Variants in PCDHGA2 observed in about 807,000 individuals in gnomAD.
The protein encoded by PCDHGA2 is protocadherin gamma-A2.
Under a neutral mutation model 59.2 loss-of-function variants are expected in PCDHGA2, and 40 were observed. The observed-to-expected ratio is 0.68, with a 90% CI of 0.52 to 0.88. The LOEUF (loss-of-function observed/expected upper bound fraction) is 0.88, where lower values mean the gene tolerates loss of function less well. Among genes scored for constraint, PCDHGA2 ranks in the 40% least tolerant of loss-of-function variants. PCDHGA2 has a pLI of 0.00. For synonymous variants in PCDHGA2, 560 were observed against 526.0 expected (o/e 1.06, Z -0.89); for missense variants, 1,226 against 1,204.0 (o/e 1.02, Z -0.27).
intron 1 of PCDHGA2, among the ~76,000 whole-genome samples, chr5:141,401,748 C>G (rs2094189969): frequency 6.6e-6 from 1 of 152,134 alleles, no homozygotes; most frequent in Non-Finnish European, 1.5e-5. Context: ...ATACAAAGCT[C>G]CCATTACATG....
intron 3 of PCDHGA2, 31 bp downstream of exon 3, chr5:141,505,512 T>C (rs754223095): frequency 6.2e-7 from 1 of 1,613,676 alleles, no homozygotes; most frequent in South Asian, 1.1e-5. Context: ...TATGGAAGAG[T>C]GGGAGACCTG....
At chr5:141,453,871 A>T (rs561367146) in intron 1 of PCDHGA2, among the ~76,000 whole-genome samples, 8 of 152,364 alleles carry the variant, frequency 5.3e-5, no homozygotes, top group African/African-American at 1.9e-4. Flanking sequence ...ACAGATGAGC[A>T]AAATAATGTG....
At chr5:141,394,277 T>C (rs1209758237) in intron 1 of PCDHGA2, 1 of 1,613,946 alleles carries the variant, frequency 6.2e-7, no homozygotes, top group South Asian at 1.1e-5. Flanking sequence ...CCCAGGTCAC[T>C]TACTCTGTGA....
At chr5:141,498,971 G>GGGAGGGAAGGAAGGAA (rs2099787588) in intron 2 of PCDHGA2, among the ~76,000 whole-genome samples, 1 of 110,970 alleles carries the variant, frequency 9.0e-6, no homozygotes, top group African/African-American at 3.6e-5. Flanking sequence ...GAGGGAGGGA[G>GGGAGGGAAGGAAGGAA]GGAAGGAAGG....
chr5:141,473,497 C>T (rs2099323546), intron 1 of PCDHGA2, among the ~76,000 whole-genome samples: 1 of 152,106 alleles, frequency 6.6e-6, no homozygotes, highest in Non-Finnish European at 1.5e-5. Context: ...ATAAGGTGTT[C>T]TGAGAGAGCA....
chr5:141,352,307 G>A, intron 1 of PCDHGA2: 4 of 1,614,058 alleles, frequency 2.5e-6, no homozygotes, highest in Non-Finnish European at 3.4e-6. Context: ...CCCCCAGACG[G>A]AACTGCAGTT....
chr5:141,436,973 T>C (rs1209787552), intron 1 of PCDHGA2, among the ~76,000 whole-genome samples: 1 of 152,234 alleles, frequency 6.6e-6, no homozygotes, highest in Non-Finnish European at 1.5e-5. Context: ...TTGTGAAACT[T>C]ATTTTAAAGA....
intron 1 of PCDHGA2, among the ~76,000 whole-genome samples, chr5:141,470,205 G>T (rs934926584): frequency 6.6e-6 from 1 of 152,094 alleles, no homozygotes; most frequent in Non-Finnish European, 1.5e-5. Flanking sequence ...AAATATGAAG[G>T]CTAAACCATT....
intron 1 of PCDHGA2, chr5:141,404,276 G>A (rs754510135): frequency 6.2e-7 from 1 of 1,613,992 alleles, no homozygotes; most frequent in Non-Finnish European, 8.5e-7. Context: ...CACCCTGCAA[G>A]TGACTGACAT....
chr5:141,399,623 C>G, intron 1 of PCDHGA2: 2 of 1,613,920 alleles, frequency 1.2e-6, no homozygotes, highest in Non-Finnish European at 1.7e-6. Context: ...GCACTGGCCT[C>G]TTACGTGTCC....
intron 2 of PCDHGA2, among the ~76,000 whole-genome samples, chr5:141,500,035 CTT>C: frequency 6.6e-6 from 1 of 152,100 alleles, no homozygotes; most frequent in East Asian, 1.9e-4. Flanking sequence ...GTGAGTGTCT[CTT>C]AAGTATCTTA....
At chr5:141,343,031 A>G (rs1030573145) in intron 1 of PCDHGA2, 1 of 152,920 alleles carries the variant, frequency 6.5e-6, no homozygotes, top group Admixed American at 6.5e-5. Context: ...GTTTGCTAAC[A>G]TTAAAGGCCC....
At chr5:141,357,924 T>C in intron 1 of PCDHGA2, among the ~76,000 whole-genome samples, 1 of 152,216 alleles carries the variant, frequency 6.6e-6, no homozygotes, top group Non-Finnish European at 1.5e-5. Flanking sequence ...GTGTGGTGGC[T>C]CACACCTGTA....
intron 1 of PCDHGA2, chr5:141,371,744 C>G (rs759273098): frequency 1.4e-5 from 23 of 1,613,922 alleles, no homozygotes; most frequent in East Asian, 8.9e-5. Flanking sequence ...ACAACGTTCC[C>G]GTTTTCCACC....
rs778198822 is a variant in PCDHGA2, at chr5:141,432,802, A to C, written c.2425-62005A>C. 6.2e-7 allele frequency: 1 copy of C among 1,614,082 alleles called. No homozygotes were observed. The highest frequency in any genetic ancestry group is 1.1e-5 in the South Asian group (1 of 91,076). The stretch of plus-strand genomic sequence containing the variant: ...CGGACCTCGGCAGCCTCGAGTCTCC[A>C]GCTAACTCTGAAACCTCAGACCTCA... On this transcript the variant is annotated intron_variant, in intron 1 of 3. Transcript: ENST00000394576. This position sits in a 1 kb window ranked among gnomAD's most constrained non-coding sequence, Gnocchi z 6.0.
intron 1 of PCDHGA2, chr5:141,355,377 G>A: frequency 6.2e-7 from 1 of 1,614,034 alleles, no homozygotes; most frequent in Non-Finnish European, 8.5e-7. Flanking sequence ...CCCGGGAGCT[G>A]GCGGAGCGCG....
At chr5:141,399,279 C>T (rs370090713) in intron 1 of PCDHGA2, 76 of 1,613,576 alleles carry the variant, frequency 4.7e-5, no homozygotes, top group Non-Finnish European at 5.0e-5. Flanking sequence ...AATTACAAGG[C>T]GAAGTCCCTT....
chr5:141,399,797 G>C lies in PCDHGA2; in HGVS notation c.2424+58402G>C, dbSNP rs760211919. On this transcript the variant is annotated intron_variant, in intron 1 of 3. Coordinates refer to ENST00000394576, the MANE Select transcript of PCDHGA2 (RefSeq NM_018915.4). ...GGCGACCGAAACGACAACGCACCGC[G>C]GGTGCTGTACCCCGCGCTGGGTCCC... 4.3e-6 allele frequency: 7 copies of C among 1,613,192 alleles called. No homozygotes were observed. In the South Asian group the frequency reaches 7.7e-5, roughly 18 times the overall value.
chr5:141,391,929 T>C (rs1035871197), intron 1 of PCDHGA2: 1 of 152,214 alleles, frequency 6.6e-6, no homozygotes, highest in African/African-American at 2.4e-5. Flanking sequence ...ATCTGTACCT[T>C]TCAAGTATTC....
Sources: gnomAD v4.1 joint callset for allele counts (sites outside exome capture counted in the v4.1 genomes callset) on GRCh38, gnomAD v4.1.1 for gene constraint, Gnocchi (gnomAD v3.1) non-coding constraint, MANE v1.5 for transcripts, NCBI Gene and HGNC (gene_info 2026-07-23, HGNC 2026-07-21) for gene names.